VPS13D: variants seen among roughly 807,000 people sequenced by gnomAD.
The protein encoded by VPS13D is intermembrane lipid transfer protein VPS13D.
Under a neutral mutation model 461.9 loss-of-function variants are expected in VPS13D, and 187 were observed. The ratio of observed to expected loss-of-function variants is 0.40; its 90% CI spans 0.36 to 0.46. The LOEUF is 0.46. Among genes scored for constraint, VPS13D ranks in the 20% least tolerant of loss-of-function variants. The pLI, the probability that VPS13D is intolerant of heterozygous loss-of-function variation, is 0.60. For missense variants in VPS13D, 4,711 were observed against 5,364.9 expected (o/e 0.88, Z 3.81); for synonymous variants, 1,951 against 1,986.3 (o/e 0.98, Z 0.47).
rs757727820 is a variant in VPS13D at position 12,373,909 on chromosome 1, C to T, written c.10917+51C>T. The T allele has an allele frequency of 4.5e-5, 64 of 1,418,454 alleles. No individual in the cohort carries two copies. The Admixed American group carries it at 7.3e-4, about 16-fold the overall frequency. The allele number at this position is 1,418,454 out of a possible 1,614,324, so 87.9% of individuals were successfully genotyped here. A position where few individuals can be genotyped will look rare whatever the true frequency, so the allele number is the denominator to read the frequency against. ...AGAATACAAGGTTTTTAGCACTGGA[C>T]GGGACTCAGGATCACCCAGTGCAGA... On this transcript the variant is annotated intron_variant, in intron 55 of 69. Coordinates refer to ENST00000620676, the MANE Select transcript of VPS13D (RefSeq NM_015378.4).
intron 39 of VPS13D, chr1:12,337,125 A>T (rs1425741132): frequency 3.3e-5 from 5 of 152,080 alleles, no homozygotes; most frequent in Non-Finnish European, 7.4e-5. Context: ...TCTATATTAA[A>T]TGCTGGTGCT....
intron 65 of VPS13D, among the ~76,000 whole-genome samples, chr1:12,451,506 A>G (rs553549015): frequency 2.6e-5 from 4 of 152,344 alleles, no homozygotes; most frequent in South Asian, 4.1e-4. Flanking sequence ...CATTTTAGCT[A>G]GAACAACATG....
intron 57 of VPS13D, among the ~76,000 whole-genome samples, chr1:12,382,398 G>C (rs1644295463): frequency 1.3e-5 from 2 of 152,150 alleles, no homozygotes; most frequent in Admixed American, 1.3e-4. Flanking sequence ...ACCTCGCCTG[G>C]CTTGAAGTTT....
At chr1:12,503,777 T>C (rs909380954) in intron 68 of VPS13D, among the ~76,000 whole-genome samples, 1 of 152,156 alleles carries the variant, frequency 6.6e-6, no homozygotes, top group African/African-American at 2.4e-5. Flanking sequence ...CAACAGTCAC[T>C]CATTCGTGGA....
At chr1:12,261,367 C>T (rs147250132) in intron 12 of VPS13D, among the ~76,000 whole-genome samples, 53 of 152,232 alleles carry the variant, frequency 3.5e-4, no homozygotes, top group Non-Finnish European at 5.6e-4. Context: ...AGAGGCAGAG[C>T]GTGTAAAAGA....
chr1:12,330,847 C>T (rs1327970396), intron 37 of VPS13D, among the ~76,000 whole-genome samples: 3 of 152,162 alleles, frequency 2.0e-5, no homozygotes, highest in Non-Finnish European at 2.9e-5. Context: ...GGATTACAGG[C>T]GTGAGCCACT....
intron 20 of VPS13D, among the ~76,000 whole-genome samples, chr1:12,281,492 T>C (rs977378075): frequency 6.6e-6 from 1 of 152,238 alleles, no homozygotes; most frequent in Non-Finnish European, 1.5e-5. Flanking sequence ...ACATATTTCC[T>C]GTAAAATCTA....
Position 12,302,567 on chromosome 1 carries a change from G to C in VPS13D, c.6217-1939G>C, listed in dbSNP as rs58622671. Among the ~76,000 whole-genome samples the C allele has an allele frequency of 4.0e-3, 614 of 152,230 alleles. 5 individuals are homozygous for C. The highest frequency in any genetic ancestry group is 0.014 in the African/African-American group (579 of 41,548). On this transcript the variant is annotated intron_variant, in intron 25 of 69. Coordinates refer to ENST00000620676, the MANE Select transcript of VPS13D (RefSeq NM_015378.4). ...AAATTTCCCTGTATTTGTTTTTGAG[G>C]ATTTGATTTTAAGTGGCAGTGCATA...
chr1:12,507,348 G>C lies in VPS13D; in HGVS notation c.13035+255G>C, dbSNP rs1268432887. 1 of 711,118 alleles carries C rather than the reference G, an allele frequency of 1.4e-6. No individual in the cohort carries two copies. Among genetic ancestry groups the C allele is most frequent in the African/African-American group, 1.7e-5 (1 of 58,004 alleles). The allele number at this position is 711,118 out of a possible 1,614,324, so 44.1% of individuals were successfully genotyped here. A position where few individuals can be genotyped will look rare whatever the true frequency, so the allele number is the denominator to read the frequency against. ...AACGTTTGTGCCTCAGTTACCCGTA[G>C]ATGTAGTGAGGGTAACAATACTTAC... On this transcript the variant is annotated intron_variant, in intron 69 of 69. Coordinates refer to ENST00000620676, the MANE Select transcript of VPS13D (RefSeq NM_015378.4). This position sits in a 1 kb window ranked among gnomAD's most constrained non-coding sequence, Gnocchi z 5.3.
intron 2 of VPS13D, among the ~76,000 whole-genome samples, chr1:12,240,897 G>T (rs1012807103): frequency 6.6e-6 from 1 of 152,036 alleles, no homozygotes; most frequent in African/African-American, 2.4e-5. Flanking sequence ...TATTTGTTCA[G>T]ATCCGCCAAG....
chr1:12,325,057 G>T (rs1276981168), intron 35 of VPS13D, among the ~76,000 whole-genome samples: 1 of 152,080 alleles, frequency 6.6e-6, no homozygotes, highest in African/African-American at 2.4e-5. Context: ...GAGAAGTACA[G>T]CACAGGCTGC....
intron 59 of VPS13D, 43 bp from the exon 60 acceptor site, chr1:12,386,142 G>C: frequency 6.3e-7 from 1 of 1,580,078 alleles, no homozygotes; most frequent in Non-Finnish European, 8.6e-7. Context: ...ACTGTGAGCT[G>C]TGTTTAAAAC....
intron 40 of VPS13D, among the ~76,000 whole-genome samples, chr1:12,340,420 G>A (rs1643543457): frequency 6.6e-6 from 1 of 152,100 alleles, no homozygotes; most frequent in South Asian, 2.1e-4. Context: ...AAATTGCTTG[G>A]TTTGCATTGT....
At chr1:12,476,456 A>G (rs1186860366) in intron 67 of VPS13D, among the ~76,000 whole-genome samples, 4 of 152,236 alleles carry the variant, frequency 2.6e-5, no homozygotes, top group Non-Finnish European at 5.9e-5. Context: ...CTCAACGCCT[A>G]ATGGAGACTG....
At chr1:12,421,747 T>C (rs953884146) in intron 65 of VPS13D, among the ~76,000 whole-genome samples, 5 of 152,222 alleles carry the variant, frequency 3.3e-5, no homozygotes, top group African/African-American at 1.2e-4. Flanking sequence ...GCCAACAGCA[T>C]ACTTAATTTC....
At chr1:12,363,978 A>C (rs530347526) in intron 52 of VPS13D, among the ~76,000 whole-genome samples, 2,057 of 149,172 alleles carry the variant, frequency 0.014, 70 homozygotes, top group Admixed American at 0.069. Context: ...AAAAAAAAAA[A>C]AATCAGCCTT....
In VPS13D at chr1:12,276,863, C is replaced by G; in HGVS notation, c.3275C>G (p.Pro1092Arg). The G allele has an allele frequency of 2.5e-6, 4 of 1,614,136 alleles. No individual in the cohort carries two copies. Among genetic ancestry groups the G allele is most frequent in the Non-Finnish European group, 3.4e-6 (4 of 1,180,008 alleles). ...TATCAGTTTGTGAGTTCAGAGTGCC[C>G]ATCGATGAATTTAGACAGTACTCTT... Reference protein sequence around the residue: ...LEYQFVSSECPSMNLDSTLQV... With the variant: ...LEYQFVSSECRSMNLDSTLQV... Residue 1092 changes from proline to arginine, a missense_variant, in exon 19 of 70, where the codon CCA (proline) becomes CGA (arginine). Pro to Arg is a moderately radical substitution (Grantham distance 103). Transcript: ENST00000620676. This position sits in a 1 kb window ranked among gnomAD's most constrained non-coding sequence, Gnocchi z 4.5.
chr1:12,273,157 A>G (rs1420649356), intron 18 of VPS13D, 22 bp downstream of exon 18: 2 of 1,610,090 alleles, frequency 1.2e-6, no homozygotes, highest in Non-Finnish European at 1.7e-6. Context: ...GTGGGAAATA[A>G]TGAAAACCTG....
At position 12,416,758 on chromosome 1, in the gene VPS13D, G is replaced by C; in HGVS notation, c.12264G>C (p.Leu4088=). ...ATGTTTCTGAAGGGGTTACTGGACT[G>C]ATAAAATATGGAAATGTCGGGGGCC... ...LNDVSEGVTG[L]IKYGNVGGLI... is the part of the protein sequence containing the mutation. Residue 4088 remains leucine (L), a synonymous_variant, in exon 65 of 70, where the codon CTG becomes CTC. Coordinates refer to ENST00000620676, the MANE Select transcript of VPS13D (RefSeq NM_015378.4). 2 of 1,614,022 alleles carry C rather than the reference G, an allele frequency of 1.2e-6. No individual in the cohort carries two copies. Among genetic ancestry groups the C allele is most frequent in the Non-Finnish European group, 1.7e-6 (2 of 1,179,974 alleles).
Sources: gnomAD v4.1 joint callset for allele counts (sites outside exome capture counted in the v4.1 genomes callset) on GRCh38, gnomAD v4.1.1 for gene constraint, Gnocchi (gnomAD v3.1) non-coding constraint, MANE v1.5 for transcripts, NCBI Gene and HGNC (gene_info 2026-07-23, HGNC 2026-07-21) for gene names.